ARHGAP39: variants seen among roughly 807,000 people sequenced by gnomAD.
ARHGAP39 encodes rho GTPase-activating protein 39.
A neutral mutation model predicts 106.9 loss-of-function variants in ARHGAP39; 44 were observed. That is an observed-to-expected ratio of 0.41 (90% CI 0.32 to 0.53). The LOEUF (loss-of-function observed/expected upper bound fraction) is 0.53, where lower values mean the gene tolerates loss of function less well. ARHGAP39 is among the 20% of genes least tolerant of loss of function. ARHGAP39 has a pLI of 0.21. For synonymous variants in ARHGAP39, 768 were observed against 693.2 expected (o/e 1.11, Z -1.69); for missense variants, 1,496 against 1,577.3 (o/e 0.95, Z 0.87).
intron 1 of ARHGAP39, among the ~76,000 whole-genome samples, chr8:144,668,832 C>T (rs1822025927): frequency 6.6e-6 from 1 of 152,010 alleles, no homozygotes; most frequent in Admixed American, 6.6e-5. Flanking sequence ...GGCTGAAGTT[C>T]ATATGGAAAT....
chr8:144,616,762 G>A (rs989855548), intron 1 of ARHGAP39, among the ~76,000 whole-genome samples: 10 of 152,262 alleles, frequency 6.6e-5, no homozygotes, highest in African/African-American at 2.4e-4. Context: ...GAGTGCCAGT[G>A]GCATCCTGTG....
chr8:144,602,900 T>C lies in ARHGAP39; in HGVS notation c.80+2635A>G, dbSNP rs546666234. Among the ~76,000 whole-genome samples the C allele has an allele frequency of 2.2e-4, 28 of 129,342 alleles. 1 individual carries two copies. In the East Asian group the frequency reaches 6.5e-3, roughly 30 times the overall value. 84.9% of individuals were successfully genotyped at this position (129,342 alleles called of 152,430 possible). On this transcript the variant is annotated intron_variant, in intron 2 of 11. Coordinates refer to ENST00000377307, the MANE Select transcript of ARHGAP39 (RefSeq NM_025251.3). ...TGTGTGGTGTGTGTGAGAGCTCATG[T>C]ACCTGTGTGTGTGTGCGTGGAGGCG... is the stretch of plus-strand genomic sequence containing the variant.
In ARHGAP39 at chr8:144,673,624, T is replaced by G. The variant is rs577759226; in HGVS notation, c.-82+12062A>C. Among the ~76,000 whole-genome samples the G allele has an allele frequency of 2.3e-3, 348 of 152,316 alleles. 1 individual carries two copies. The highest frequency in any genetic ancestry group is 6.4e-3 in the Admixed American group (98 of 15,300). On this transcript the variant is annotated intron_variant, in intron 1 of 11. Transcript: ENST00000377307. Reference sequence around the variant, plus strand: ...TCTGGACACTTCACATAAACGGAATTGTCATGAGATCCTTGGGGTGTCGCT... The same window carrying G: ...TCTGGACACTTCACATAAACGGAATGGTCATGAGATCCTTGGGGTGTCGCT...
chr8:144,582,201 G>A (rs1819017569), intron 2 of ARHGAP39, among the ~76,000 whole-genome samples: 1 of 152,196 alleles, frequency 6.6e-6, no homozygotes, highest in South Asian at 2.1e-4. Flanking sequence ...GGGCTAGTGG[G>A]GGCTGCCTGC....
At chr8:144,544,770 GCCAGTCAT>G (rs1000546728) in intron 6 of ARHGAP39, among the ~76,000 whole-genome samples, 1 of 152,238 alleles carries the variant, frequency 6.6e-6, no homozygotes. Flanking sequence ...CTGCATGTGA[GCCAGTCAT>G]CAAGCTCCTG....
At chr8:144,602,641 T>TGA (rs1820071275) in intron 2 of ARHGAP39, among the ~76,000 whole-genome samples, 3 of 109,948 alleles carry the variant, frequency 2.7e-5, no homozygotes, top group Non-Finnish European at 5.8e-5. Flanking sequence ...GGCGTGTGTG[T>TGA]GCTCGTGTAC....
chr8:144,556,965 T>C (rs370896472), intron 3 of ARHGAP39, among the ~76,000 whole-genome samples: 2 of 118,238 alleles, frequency 1.7e-5, no homozygotes, highest in African/African-American at 4.0e-5. Flanking sequence ...TAGTATTCAG[T>C]GGCAAAAGCC....
chr8:144,534,015 G>GGCA lies in ARHGAP39; in HGVS notation c.2688+111_2688+113dup. The GGCA allele has an allele frequency of 3.3e-6, 4 of 1,221,342 alleles. No individual in the cohort carries two copies. In the South Asian group the frequency reaches 5.4e-5, roughly 16 times the overall value. The allele number at this position is 1,221,342 out of a possible 1,614,324, so 75.7% of individuals were successfully genotyped here. ...CCACCCGCCTAGGCGGGCTCCATGT[G>GGCA]GCACCCTCTGCGCTGCTGCCCCATA... On this transcript the variant is annotated intron_variant, in intron 8 of 11. Coordinates refer to ENST00000377307, the MANE Select transcript of ARHGAP39 (RefSeq NM_025251.3).
chr8:144,545,826 GCGGCT>G lies in ARHGAP39; in HGVS notation c.1960-21_1960-17del. ...GGTCCTCAGACTGAGAAGGACAAAT[GCGGCT>G]GGGCTGTTGGGGGTGGGGGAGGGCC... On this transcript the variant is annotated splice_polypyrimidine_tract_variant and intron_variant, in intron 5 of 11. Transcript: ENST00000377307. The G allele has an allele frequency of 1.3e-6, 2 of 1,511,470 alleles. No homozygotes were observed. Among genetic ancestry groups the G allele is most frequent in the Non-Finnish European group, 1.8e-6 (2 of 1,132,444 alleles). The allele number at this position is 1,511,470 out of a possible 1,614,324, so 93.6% of individuals were successfully genotyped here.
At chr8:144,569,852 T>A (rs535445324) in intron 3 of ARHGAP39, among the ~76,000 whole-genome samples, 1 of 152,324 alleles carries the variant, frequency 6.6e-6, no homozygotes, top group South Asian at 2.1e-4. Context: ...CAGGAAGACA[T>A]CCATCCAAAT....
Position 144,546,528 on chromosome 8 carries a change from G to A in ARHGAP39, c.1959+599C>T, listed in dbSNP as rs142306307. Among the ~76,000 whole-genome samples the A allele has an allele frequency of 3.1e-3, 475 of 152,308 alleles. 2 individuals are homozygous for A. The highest frequency in any genetic ancestry group is 5.0e-3 in the Non-Finnish European group (341 of 68,008). ...CTAGGCCTGCCCTCTGCCTCACCCT[G>A]TGAGAACAAGGAGGTGAGAACAAGG... is the stretch of plus-strand genomic sequence containing the variant. On this transcript the variant is annotated intron_variant, in intron 5 of 11. Coordinates refer to ENST00000377307, the MANE Select transcript of ARHGAP39 (RefSeq NM_025251.3).
rs181877264 is a variant in ARHGAP39, at chr8:144,578,132, C to T, written c.512+2714G>A. On this transcript the variant is annotated intron_variant, in intron 3 of 11. Coordinates refer to ENST00000377307, the MANE Select transcript of ARHGAP39 (RefSeq NM_025251.3). ...CACTTTCCAGTTTCAAAACTTATTA[C>T]AAAGCTACAGTGATCAAAACAATGT... Among the ~76,000 whole-genome samples the T allele has an allele frequency of 2.0e-4, 30 of 152,316 alleles. 1 individual carries two copies. The highest frequency in any genetic ancestry group is 2.0e-3 in the Admixed American group (30 of 15,298).
Position 144,548,271 on chromosome 8 carries a change from G to C in ARHGAP39, c.815C>G (p.Pro272Arg). ...CTCGGCCCTCTTCAGGAAGGGTGAC[G>C]GCCTCCTCTCTGGGAAGAAGATGGT... is the stretch of plus-strand genomic sequence containing the variant. ...DGTIFFPERRPSPFLKRAELP... is the reference protein window; with the variant it reads ...DGTIFFPERRRSPFLKRAELP... Residue 272 changes from proline (P) to arginine (R), a missense_variant, in exon 5 of 12, where the codon CCG becomes CGG. Around this residue, in one of 4 missense-constraint regions of ARHGAP39, gnomAD observed 905 missense variants for 816.4 expected, o/e 1.11. Transcript: ENST00000377307. This position sits in a 1 kb window ranked among gnomAD's most constrained non-coding sequence, Gnocchi z 7.4. The C allele has an allele frequency of 6.2e-7, 1 of 1,608,602 alleles. No individual in the cohort carries two copies. Among genetic ancestry groups the C allele is most frequent in the Non-Finnish European group, 8.5e-7 (1 of 1,177,732 alleles).
chr8:144,643,737 C>T (rs552750294), intron 1 of ARHGAP39, among the ~76,000 whole-genome samples: 5 of 152,130 alleles, frequency 3.3e-5, no homozygotes, highest in Non-Finnish European at 7.3e-5. Flanking sequence ...AACCAAAGGA[C>T]GTGTGATAGA....
intron 3 of ARHGAP39, among the ~76,000 whole-genome samples, chr8:144,573,630 G>A (rs1202269882): frequency 2.6e-5 from 4 of 152,102 alleles, no homozygotes; most frequent in Non-Finnish European, 5.9e-5. Context: ...GATGAAACTT[G>A]ATTTACATAA....
At position 144,678,621 on chromosome 8, in the gene ARHGAP39, G is replaced by A. The variant is rs374100428; in HGVS notation, c.-82+7065C>T. On this transcript the variant is annotated intron_variant, in intron 1 of 11. Transcript: ENST00000377307. ...CCAGGAGGCACTGGGGAGCCAGGGA[G>A]GAGAGCCAGGCAGCAGAGTCACTCG... Among the ~76,000 whole-genome samples the A allele has an allele frequency of 5.9e-4, 90 of 152,358 alleles. 2 individuals carry two copies. The East Asian group carries it at 0.01, about 17-fold the overall frequency.
At chr8:144,555,447 T>C (rs1468160707) in intron 4 of ARHGAP39, 113 bp downstream of exon 4, 2 of 953,114 alleles carry the variant, frequency 2.1e-6, no homozygotes, top group Admixed American at 1.8e-5. Flanking sequence ...TTTCCAGCTC[T>C]GGGTCTGTGG....
chr8:144,575,591 C>T (rs1818742067), intron 3 of ARHGAP39, among the ~76,000 whole-genome samples: 1 of 152,136 alleles, frequency 6.6e-6, no homozygotes, highest in African/African-American at 2.4e-5. Context: ...AAGCAACACA[C>T]GTGGAGCCAT....
intron 1 of ARHGAP39, among the ~76,000 whole-genome samples, chr8:144,617,242 T>C (rs866300141): frequency 1.5e-4 from 22 of 151,356 alleles, no homozygotes; most frequent in Middle Eastern, 3.4e-3. Flanking sequence ...AAAAACACAA[T>C]TGGGTGATTT....
Sources: gnomAD v4.1 joint callset for allele counts (sites outside exome capture counted in the v4.1 genomes callset) on GRCh38, gnomAD v4.1.1 for gene constraint, gnomAD v4.1.1 regional missense constraint, Gnocchi (gnomAD v3.1) non-coding constraint, MANE v1.5 for transcripts, NCBI Gene and HGNC (gene_info 2026-07-23, HGNC 2026-07-21) for gene names.